The following IQCJ variants were observed in gnomAD, a reference collection of about 807,000 sequenced individuals.
The protein encoded by IQCJ is IQ domain-containing protein J.
Under a neutral mutation model 11.0 loss-of-function variants are expected in IQCJ, and 9 were observed. That is an observed-to-expected ratio of 0.82 (90% CI 0.49 to 1.43). IQCJ has a LOEUF of 1.43. IQCJ is among the 40% of genes most tolerant of loss of function. IQCJ has a pLI of 0.00. For missense variants in IQCJ, 146 were observed against 133.2 expected (o/e 1.10, Z -0.47); for synonymous variants, 55 against 51.3 (o/e 1.07, Z -0.31).
intron 1 of IQCJ, among the ~76,000 whole-genome samples, chr3:159,235,288 TA>T (rs1343487326): frequency 6.6e-6 from 1 of 152,214 alleles, no homozygotes. Context: ...AGAGACCACT[TA>T]AAAAATTTTA....
At chr3:159,205,796 G>A (rs1338067200) in intron 1 of IQCJ, among the ~76,000 whole-genome samples, 1 of 152,144 alleles carries the variant, frequency 6.6e-6, no homozygotes, top group Non-Finnish European at 1.5e-5. Context: ...GTTTCTCTGT[G>A]GCAGGCAAAT....
chr3:159,071,579 A>G (rs1282470040), intron 1 of IQCJ, among the ~76,000 whole-genome samples: 1 of 152,040 alleles, frequency 6.6e-6, no homozygotes, highest in Non-Finnish European at 1.5e-5. Flanking sequence ...AAATACCCTC[A>G]CTTTACTTTT....
At chr3:159,121,103 C>A (rs1022120382) in intron 1 of IQCJ, among the ~76,000 whole-genome samples, 2 of 151,892 alleles carry the variant, frequency 1.3e-5, no homozygotes, top group South Asian at 4.2e-4. Flanking sequence ...GCCTATGCTG[C>A]AAGGGAGTCT....
At chr3:159,152,124 G>A (rs1467769286) in intron 1 of IQCJ, among the ~76,000 whole-genome samples, 1 of 152,104 alleles carries the variant, frequency 6.6e-6, no homozygotes, top group African/African-American at 2.4e-5. Flanking sequence ...GGTGGGCACA[G>A]CAATGATTGC....
chr3:159,239,521 A>G (rs1278103509), intron 1 of IQCJ, among the ~76,000 whole-genome samples: 1 of 152,246 alleles, frequency 6.6e-6, no homozygotes, highest in Non-Finnish European at 1.5e-5. Context: ...AAGTGCCAGG[A>G]CTGGCAGTAG....
At chr3:159,101,373 C>A (rs9825539) in intron 1 of IQCJ, among the ~76,000 whole-genome samples, 1 of 152,166 alleles carries the variant, frequency 6.6e-6, no homozygotes, top group African/African-American at 2.4e-5. Context: ...TGTTCCTATT[C>A]GGCCATCTTG....
intron 1 of IQCJ, among the ~76,000 whole-genome samples, chr3:159,158,842 T>C (rs1721678943): frequency 6.6e-6 from 1 of 152,188 alleles, no homozygotes; most frequent in Non-Finnish European, 1.5e-5. Flanking sequence ...TTTGACCCAC[T>C]CCTAGTGTCC....
chr3:159,250,389 CTT>C (rs1287588930), intron 2 of IQCJ, among the ~76,000 whole-genome samples: 1 of 152,030 alleles, frequency 6.6e-6, no homozygotes, highest in African/African-American at 2.4e-5. Flanking sequence ...TAACAAGAGT[CTT>C]AAAGTATCCT....
At chr3:159,212,873 C>T (rs1307134474) in intron 1 of IQCJ, among the ~76,000 whole-genome samples, 2 of 152,238 alleles carry the variant, frequency 1.3e-5, no homozygotes, top group African/African-American at 4.8e-5. Context: ...CTTTTGCCCT[C>T]AGTATATGAC....
At position 159,224,183 on chromosome 3, in the gene IQCJ, G is replaced by A. The variant is rs766670387; in HGVS notation, c.10-21660G>A. On this transcript the variant is annotated intron_variant, in intron 1 of 3. Transcript: ENST00000397832. The stretch of plus-strand genomic sequence containing the variant: ...TAGCAACAAAGTTAGCTGAGGCTGC[G>A]AGGGTTGTGTCAAAAGGACTTAGGA... Among the ~76,000 whole-genome samples, 301 of 152,268 alleles carry A rather than the reference G, an allele frequency of 2.0e-3. 4 individuals are homozygous for A. Among genetic ancestry groups the A allele is most frequent in the Non-Finnish European group, 3.2e-4 (22 of 68,018 alleles).
At chr3:159,118,989 G>A (rs149718660) in intron 1 of IQCJ, among the ~76,000 whole-genome samples, 2 of 152,204 alleles carry the variant, frequency 1.3e-5, no homozygotes, top group Non-Finnish European at 2.9e-5. Flanking sequence ...ATTGCAGAAA[G>A]TTTCCAGGAT....
chr3:159,263,697 T>C lies in IQCJ; in HGVS notation c.*966T>C, dbSNP rs901022816. On this transcript the variant is annotated 3_prime_UTR_variant, in exon 4 of 4. Coordinates refer to ENST00000397832, the MANE Select transcript of IQCJ (RefSeq NM_001042706.3). ...ATTCTTTTTGGGATCAGGTAAAAGT[T>C]ACTGTATTTGAAATGTTTTCAGATG... is the stretch of plus-strand genomic sequence containing the variant. 1.3e-5 allele frequency: 13 copies of C among 985,294 alleles called. No homozygotes were observed. Among genetic ancestry groups the C allele is most frequent in the Middle Eastern group, 5.2e-4 (1 of 1,936 alleles). The allele number at this position is 985,294 out of a possible 1,614,324, so 61.0% of individuals were successfully genotyped here. A position where few individuals can be genotyped will look rare whatever the true frequency, so the allele number is the denominator to read the frequency against.
At chr3:159,210,328 C>A (rs1456169394) in intron 1 of IQCJ, among the ~76,000 whole-genome samples, 2 of 152,214 alleles carry the variant, frequency 1.3e-5, no homozygotes, top group Non-Finnish European at 2.9e-5. Context: ...ACAATTGCTG[C>A]ACTACTGCTG....
chr3:159,071,179 C>A (rs1289355998), intron 1 of IQCJ, among the ~76,000 whole-genome samples: 1 of 151,818 alleles, frequency 6.6e-6, no homozygotes, highest in Non-Finnish European at 1.5e-5. Context: ...CTGATTTTAT[C>A]AACCATGTTC....
At chr3:159,085,228 C>A (rs1716642508) in intron 1 of IQCJ, among the ~76,000 whole-genome samples, 1 of 151,692 alleles carries the variant, frequency 6.6e-6, no homozygotes, top group Admixed American at 6.6e-5. Context: ...TCATCCATGT[C>A]CCTACAAAGG....
At chr3:159,206,236 A>C (rs1455174099) in intron 1 of IQCJ, among the ~76,000 whole-genome samples, 2 of 152,140 alleles carry the variant, frequency 1.3e-5, no homozygotes, top group East Asian at 3.9e-4. Flanking sequence ...GTATTTCACT[A>C]TCTTCCATTT....
chr3:159,123,132 G>A (rs573572629), intron 1 of IQCJ, among the ~76,000 whole-genome samples: 2 of 152,260 alleles, frequency 1.3e-5, no homozygotes, highest in South Asian at 4.2e-4. Flanking sequence ...TAATGTAATT[G>A]AAATAAAATA....
chr3:159,140,156 A>G (rs1448679072), intron 1 of IQCJ, among the ~76,000 whole-genome samples: 1 of 152,228 alleles, frequency 6.6e-6, no homozygotes, highest in East Asian at 1.9e-4. Context: ...ACACATCATT[A>G]GCACACAAAG....
chr3:159,256,214 AC>A (rs1396915814), intron 3 of IQCJ, among the ~76,000 whole-genome samples: 1 of 152,226 alleles, frequency 6.6e-6, no homozygotes, highest in Admixed American at 6.5e-5. Flanking sequence ...TTGTGATGGA[AC>A]AACATAGAGA....
Sources: allele counts gnomAD v4.1 joint callset (sites outside exome capture counted in the v4.1 genomes callset), GRCh38; gene constraint gnomAD v4.1.1; transcripts MANE v1.5; gene names NCBI Gene and HGNC (gene_info 2026-07-23, HGNC 2026-07-21).